Variants in RAPGEF2 observed in about 807,000 individuals in gnomAD.
RAPGEF2 encodes the protein Rap guanine nucleotide exchange factor 2, also known as PDZ domain containing guanine nucleotide exchange factor (GEF) 1.
In RAPGEF2, 54 loss-of-function variants were observed where a neutral mutation model predicts 186.7. That is an observed-to-expected ratio of 0.29 (90% CI 0.23 to 0.36). RAPGEF2 has a LOEUF of 0.36. RAPGEF2 is among the 10% of genes least tolerant of loss of function. The pLI is 1.00. For synonymous variants in RAPGEF2, 712 were observed against 705.9 expected, an observed-to-expected ratio of 1.01 and a Z score of -0.14; for missense variants, 1,532 against 2,045.0, an observed-to-expected ratio of 0.75 and a Z score of 4.84.
At chr4:159,268,252 C>A (rs375709304) in intron 7 of RAPGEF2, 4 of 1,459,886 alleles carry the variant, frequency 2.7e-6, no homozygotes, top group Non-Finnish European at 3.8e-6. Context: ...TTTGATAGCA[C>A]GTCATAGAGA....
intron 1 of RAPGEF2, among the ~76,000 whole-genome samples, chr4:159,106,335 C>T (rs1737882043): frequency 6.6e-6 from 1 of 151,964 alleles, no homozygotes; most frequent in African/African-American, 2.4e-5. Context: ...GAAAGTTGTT[C>T]GAAATGTGAA....
intron 7 of RAPGEF2, among the ~76,000 whole-genome samples, chr4:159,286,618 T>A (rs1385595138): frequency 2.6e-5 from 4 of 152,168 alleles, no homozygotes; most frequent in African/African-American, 9.7e-5. Context: ...CTCATTGGAC[T>A]TTTCTCCATC....
At chr4:159,168,834 TAGAAG>T (rs563296667) in intron 1 of RAPGEF2, among the ~76,000 whole-genome samples, 64 of 152,300 alleles carry the variant, frequency 4.2e-4, no homozygotes, top group Non-Finnish European at 5.7e-4. Context: ...GATCAAAGGC[TAGAAG>T]AGAAGAATAT....
At chr4:159,321,363 C>T (rs1267605860) in intron 9 of RAPGEF2, among the ~76,000 whole-genome samples, 1 of 152,094 alleles carries the variant, frequency 6.6e-6, no homozygotes, top group African/African-American at 2.4e-5. Context: ...CGCACCACCA[C>T]AGATGGCTAA....
intron 3 of RAPGEF2, among the ~76,000 whole-genome samples, chr4:159,193,662 C>T (rs1000506030): frequency 1.3e-5 from 2 of 152,158 alleles, no homozygotes; most frequent in Non-Finnish European, 2.9e-5. Context: ...AAATAAGCTG[C>T]CCCCATGTCT....
chr4:159,296,477 A>G (rs1762042238), intron 7 of RAPGEF2, among the ~76,000 whole-genome samples: 1 of 152,224 alleles, frequency 6.6e-6, no homozygotes, highest in Admixed American at 6.5e-5. Context: ...AAATTAATAA[A>G]TATATTTAAG....
chr4:159,151,237 C>CT (rs1167880407), intron 1 of RAPGEF2, among the ~76,000 whole-genome samples: 2 of 152,098 alleles, frequency 1.3e-5, no homozygotes, highest in Non-Finnish European at 2.9e-5. Flanking sequence ...AGCTGTTTGG[C>CT]TTTTTTGTTC....
chr4:159,143,769 A>C (rs1363850760), intron 1 of RAPGEF2, among the ~76,000 whole-genome samples: 1 of 152,154 alleles, frequency 6.6e-6, no homozygotes, highest in Non-Finnish European at 1.5e-5. Flanking sequence ...TTGAGGAAAA[A>C]TGTTTTCTCT....
intron 1 of RAPGEF2, among the ~76,000 whole-genome samples, chr4:159,136,321 A>C (rs1741717966): frequency 6.6e-6 from 1 of 152,182 alleles, no homozygotes; most frequent in Non-Finnish European, 1.5e-5. Flanking sequence ...AAGAGGACTT[A>C]AGGATGACTT....
At chr4:159,182,482 T>G (rs1747127159) in intron 1 of RAPGEF2, among the ~76,000 whole-genome samples, 1 of 147,654 alleles carries the variant, frequency 6.8e-6, no homozygotes, top group South Asian at 2.2e-4. Flanking sequence ...TGCAACCTCC[T>G]TCTCCTGGGT....
At chr4:159,148,864 TAA>T (rs1409728401) in intron 1 of RAPGEF2, among the ~76,000 whole-genome samples, 16 of 152,256 alleles carry the variant, frequency 1.1e-4, no homozygotes, top group Non-Finnish European at 1.9e-4. Context: ...TCTATTTTCT[TAA>T]ATTTTGATAT....
At chr4:159,335,652 G>A (rs866864648) in intron 17 of RAPGEF2, among the ~76,000 whole-genome samples, 31 of 151,862 alleles carry the variant, frequency 2.0e-4, no homozygotes, top group African/African-American at 5.8e-4. Flanking sequence ...TCGAGACCAC[G>A]GTGAAACCCC....
chr4:159,222,499 A>G (rs184145471), intron 4 of RAPGEF2, among the ~76,000 whole-genome samples: 18 of 152,330 alleles, frequency 1.2e-4, no homozygotes, highest in Admixed American at 8.5e-4. Flanking sequence ...GAAGAAATAA[A>G]TAATGCTATA....
chr4:159,343,892 C>A (rs1729896962), intron 22 of RAPGEF2, 144 bp from the exon 23 acceptor site: 2 of 702,928 alleles, frequency 2.8e-6, no homozygotes, highest in Non-Finnish European at 4.7e-6. Context: ...AGTAAAGTTG[C>A]GTGTGTGAGG....
intron 4 of RAPGEF2, among the ~76,000 whole-genome samples, chr4:159,221,641 G>T (rs1402757592): frequency 6.6e-6 from 1 of 152,174 alleles, no homozygotes; most frequent in Non-Finnish European, 1.5e-5. Flanking sequence ...TACACCTGCT[G>T]TTCAGTTTTC....
intron 1 of RAPGEF2, among the ~76,000 whole-genome samples, chr4:159,169,875 C>T (rs1367974139): frequency 6.6e-6 from 1 of 152,092 alleles, no homozygotes; most frequent in Non-Finnish European, 1.5e-5. Flanking sequence ...GTGCAGTGAA[C>T]ATGGGAGTGC....
chr4:159,322,911 A>C (rs989156229), intron 10 of RAPGEF2, among the ~76,000 whole-genome samples: 1 of 152,224 alleles, frequency 6.6e-6, no homozygotes, highest in Non-Finnish European at 1.5e-5. Context: ...ATCTGCCACC[A>C]GATCCTTCCC....
At chr4:159,291,742 T>C (rs910848704) in intron 7 of RAPGEF2, among the ~76,000 whole-genome samples, 2 of 152,020 alleles carry the variant, frequency 1.3e-5, no homozygotes, top group Non-Finnish European at 2.9e-5. Flanking sequence ...CAGTTTTGAG[T>C]CACTATCCAT....
At chr4:159,213,585 A>G (rs2111380259) in intron 4 of RAPGEF2, among the ~76,000 whole-genome samples, 1 of 152,336 alleles carries the variant, frequency 6.6e-6, no homozygotes, top group East Asian at 1.9e-4. Flanking sequence ...ATGGCAGAAA[A>G]TCTGTCATTT....
Sources: gnomAD v4.1 joint callset for allele counts (sites outside exome capture counted in the v4.1 genomes callset) on GRCh38, gnomAD v4.1.1 for gene constraint, MANE v1.5 for transcripts, NCBI Gene and HGNC (gene_info 2026-07-23, HGNC 2026-07-21) for gene names.